The following ADGRB3 variants were observed in gnomAD, a reference collection of about 807,000 sequenced individuals.
ADGRB3 encodes the protein brain-specific angiogenesis inhibitor 3.
A neutral mutation model predicts 193.4 loss-of-function variants in ADGRB3; 37 were observed. That is an observed-to-expected ratio of 0.19 (90% CI 0.15 to 0.25). The LOEUF (loss-of-function observed/expected upper bound fraction) is 0.25, where lower values mean the gene tolerates loss of function less well. ADGRB3 is among the 10% of genes least tolerant of loss of function. The probability of loss-of-function intolerance (pLI) is 1.00; values close to 1 mark genes in which losing one functional copy is unlikely to be tolerated. For missense variants in ADGRB3, 1,637 were observed against 1,852.9 expected, an observed-to-expected ratio of 0.88 and a Z score of 2.14; for synonymous variants, 690 against 644.2, an observed-to-expected ratio of 1.07 and a Z score of -1.08.
intron 3 of ADGRB3, among the ~76,000 whole-genome samples, chr6:68,704,772 A>G (rs1193324835): frequency 6.6e-6 from 1 of 152,212 alleles, no homozygotes; most frequent in African/African-American, 2.4e-5. Context: ...GTAAAGCTTG[A>G]AATTCCATCA....
At chr6:68,879,372 A>G (rs1367191192) in intron 3 of ADGRB3, among the ~76,000 whole-genome samples, 2 of 151,338 alleles carry the variant, frequency 1.3e-5, no homozygotes, top group African/African-American at 4.9e-5. Flanking sequence ...GCCCACCACC[A>G]CGCCTGGCTA....
chr6:68,871,770 G>T (rs564314193), intron 3 of ADGRB3, among the ~76,000 whole-genome samples: 3 of 152,010 alleles, frequency 2.0e-5, no homozygotes, highest in Non-Finnish European at 4.4e-5. Flanking sequence ...AAGAAATATT[G>T]AGCATATGTC....
At chr6:69,066,221 C>T (rs1187113629) in intron 16 of ADGRB3, among the ~76,000 whole-genome samples, 1 of 151,320 alleles carries the variant, frequency 6.6e-6, no homozygotes, top group Admixed American at 6.6e-5. Context: ...TACACATATA[C>T]ATGCCCATAT....
chr6:69,214,361 C>T lies in ADGRB3; in HGVS notation c.2481-18929C>T, dbSNP rs143601935. On this transcript the variant is annotated intron_variant, in intron 17 of 31. Transcript: ENST00000370598. ...CAGCCCTTGAGTATTGTAGTCAGTG[C>T]TGCTTGACCCACTGTAGAGTTAAAG... 7.9e-5 allele frequency among the ~76,000 whole-genome samples: 12 copies of T among 152,228 alleles called. No homozygotes were observed. The East Asian group carries it at 2.3e-3, about 30-fold the overall frequency.
At chr6:68,868,501 C>T (rs117682879) in intron 3 of ADGRB3, among the ~76,000 whole-genome samples, 1,826 of 152,316 alleles carry the variant, frequency 0.012, 13 homozygotes, top group Non-Finnish European at 0.017. Flanking sequence ...CTAGGAACCA[C>T]AAACCATTTT....
intron 3 of ADGRB3, among the ~76,000 whole-genome samples, chr6:68,774,886 A>G (rs1766708556): frequency 6.6e-6 from 1 of 152,122 alleles, no homozygotes; most frequent in South Asian, 2.1e-4. Context: ...CAACAGATGT[A>G]TTTCAGCCAC....
intron 3 of ADGRB3, among the ~76,000 whole-genome samples, chr6:68,905,929 A>G (rs1670779899): frequency 6.6e-6 from 1 of 151,954 alleles, no homozygotes; most frequent in African/African-American, 2.4e-5. Flanking sequence ...TTCTAGAGAG[A>G]ATGTCCTGAC....
At chr6:68,884,297 A>G (rs1159324843) in intron 3 of ADGRB3, among the ~76,000 whole-genome samples, 1 of 152,214 alleles carries the variant, frequency 6.6e-6, no homozygotes, top group Non-Finnish European at 1.5e-5. Flanking sequence ...TCATGGGCTC[A>G]GGGTTTGGGG....
Position 68,873,886 on chromosome 6 carries a change from T to C in ADGRB3, c.758-56673T>C, listed in dbSNP as rs181774583. Among the ~76,000 whole-genome samples, 5 of 152,194 alleles carry C rather than the reference T, an allele frequency of 3.3e-5. No homozygotes were observed. In the East Asian group the frequency reaches 9.6e-4, roughly 29 times the overall value. ...CTGTATGCCTGGATGAACATTTTAT[T>C]TTATAAAAAAATTAGCATATATTCT... On this transcript the variant is annotated intron_variant, in intron 3 of 31. Coordinates refer to ENST00000370598, the MANE Select transcript of ADGRB3 (RefSeq NM_001704.3).
At chr6:69,257,997 T>C (rs984600198) in intron 20 of ADGRB3, among the ~76,000 whole-genome samples, 2 of 152,174 alleles carry the variant, frequency 1.3e-5, no homozygotes, top group Non-Finnish European at 2.9e-5. Context: ...CCCAGTCTCA[T>C]GTCCAGATAT....
intron 3 of ADGRB3, among the ~76,000 whole-genome samples, chr6:68,804,203 C>T (rs896078084): frequency 2.6e-5 from 4 of 152,196 alleles, no homozygotes; most frequent in Non-Finnish European, 5.9e-5. Context: ...AGAAGGCCTT[C>T]AAAATGTCAT....
At chr6:69,190,211 C>G (rs1173549754) in intron 17 of ADGRB3, among the ~76,000 whole-genome samples, 1 of 151,824 alleles carries the variant, frequency 6.6e-6, no homozygotes, top group East Asian at 1.9e-4. Flanking sequence ...GTGGAGATAC[C>G]CAGAAGAGGA....
At chr6:69,010,946 A>G (rs1350779334) in intron 11 of ADGRB3, among the ~76,000 whole-genome samples, 1 of 152,054 alleles carries the variant, frequency 6.6e-6, no homozygotes, top group Non-Finnish European at 1.5e-5. Context: ...ACTGGCAAGT[A>G]GTGGCTCTGC....
chr6:69,294,964 A>G (rs1767777311), intron 20 of ADGRB3, among the ~76,000 whole-genome samples: 1 of 152,198 alleles, frequency 6.6e-6, no homozygotes, highest in African/African-American at 2.4e-5. Context: ...ATTACTGAGA[A>G]AAATCAGGAA....
intron 13 of ADGRB3, among the ~76,000 whole-genome samples, chr6:69,040,451 T>G (rs1425890095): frequency 6.6e-6 from 1 of 150,416 alleles, no homozygotes; most frequent in Non-Finnish European, 1.5e-5. Context: ...TGTAAGTGAA[T>G]AGGTGTGGCT....
chr6:69,288,405 C>A (rs1299810201), intron 20 of ADGRB3, among the ~76,000 whole-genome samples: 1 of 152,144 alleles, frequency 6.6e-6, no homozygotes, highest in Non-Finnish European at 1.5e-5. Flanking sequence ...GCATAGTATT[C>A]CATGGTGTAT....
At chr6:68,935,808 T>C (rs1416610098) in intron 4 of ADGRB3, among the ~76,000 whole-genome samples, 1 of 152,208 alleles carries the variant, frequency 6.6e-6, no homozygotes, top group Non-Finnish European at 1.5e-5. Context: ...ATTAGCTTTT[T>C]AGAACTCCAT....
At chr6:68,947,352 A>T (rs954096438) in intron 6 of ADGRB3, among the ~76,000 whole-genome samples, 1 of 152,084 alleles carries the variant, frequency 6.6e-6, no homozygotes, top group Admixed American at 6.6e-5. Flanking sequence ...TCATTAATTG[A>T]TAATTGACTT....
At chr6:68,923,802 C>G (rs1344784921) in intron 3 of ADGRB3, among the ~76,000 whole-genome samples, 1 of 151,980 alleles carries the variant, frequency 6.6e-6, no homozygotes, top group African/African-American at 2.4e-5. Context: ...GAAAAGCAAC[C>G]AAGCCATGTT....
Sources: allele counts gnomAD v4.1 joint callset (sites outside exome capture counted in the v4.1 genomes callset), GRCh38; gene constraint gnomAD v4.1.1; transcripts MANE v1.5; gene names NCBI Gene and HGNC (gene_info 2026-07-23, HGNC 2026-07-21).